SEMA3E: variants seen among roughly 807,000 people sequenced by gnomAD.
SEMA3E encodes the protein semaphorin-3E.
Under a neutral mutation model 93.6 loss-of-function variants are expected in SEMA3E, and 49 were observed. The observed-to-expected ratio is 0.52, with a 90% CI of 0.42 to 0.66. The LOEUF (loss-of-function observed/expected upper bound fraction) is 0.66, where lower values mean the gene tolerates loss of function less well. SEMA3E is among the 30% of genes least tolerant of loss of function. The pLI, the probability that SEMA3E is intolerant of heterozygous loss-of-function variation, is 0.00. For missense variants in SEMA3E, 906 were observed against 964.8 expected, an observed-to-expected ratio of 0.94 and a Z score of 0.81; for synonymous variants, 363 against 330.7, an observed-to-expected ratio of 1.10 and a Z score of -1.06.
intron 1 of SEMA3E, among the ~76,000 whole-genome samples, chr7:83,602,474 A>T (rs1276237299): frequency 7.4e-6 from 1 of 134,328 alleles, no homozygotes; most frequent in East Asian, 2.3e-4. Flanking sequence ...AATACCTGGC[A>T]TTTAGAAGCA....
Position 83,597,443 on chromosome 7 carries a change from G to T in SEMA3E, c.115+50985C>A, listed in dbSNP as rs116426646. On this transcript the variant is annotated intron_variant, in intron 1 of 16. Transcript: ENST00000643230. ...CTGTATCTGTGGACTTTCTAGTAAG[G>T]CTTCAATCAAATCAATGCTCTGTAT... Among the ~76,000 whole-genome samples, 270 of 152,152 alleles carry T rather than the reference G, an allele frequency of 1.8e-3. 1 individual carries two copies. The highest frequency in any genetic ancestry group is 6.3e-3 in the African/African-American group (260 of 41,526).
intron 1 of SEMA3E, among the ~76,000 whole-genome samples, chr7:83,637,737 T>C (rs1222385624): frequency 2.6e-5 from 4 of 151,966 alleles, no homozygotes; most frequent in East Asian, 3.9e-4. Context: ...CCTGTGGAAC[T>C]GTGAGTCAAT....
At chr7:83,591,082 TA>T (rs997952342) in intron 1 of SEMA3E, among the ~76,000 whole-genome samples, 1 of 127,296 alleles carries the variant, frequency 7.9e-6, no homozygotes, top group African/African-American at 3.0e-5. Context: ...CCATACATTA[TA>T]AACTTTATCT....
chr7:83,378,492 CTCTT>C (rs1420029544), intron 16 of SEMA3E, among the ~76,000 whole-genome samples: 1 of 151,840 alleles, frequency 6.6e-6, no homozygotes, highest in Non-Finnish European at 1.5e-5. Context: ...GTGGATCTCT[CTCTT>C]TGTCATTCGA....
At chr7:83,554,963 C>T (rs948027206) in intron 1 of SEMA3E, among the ~76,000 whole-genome samples, 1 of 120,664 alleles carries the variant, frequency 8.3e-6, no homozygotes, top group Non-Finnish European at 1.8e-5. Flanking sequence ...GGTGACAGAG[C>T]GAGACTCCGT....
intron 16 of SEMA3E, among the ~76,000 whole-genome samples, chr7:83,377,359 A>C (rs976649463): frequency 6.6e-6 from 1 of 151,962 alleles, no homozygotes; most frequent in Non-Finnish European, 1.5e-5. Context: ...TAAATCAGGG[A>C]TCAAAAACTT....
chr7:83,530,845 TC>T (rs2115724381), intron 1 of SEMA3E, among the ~76,000 whole-genome samples: 1 of 150,580 alleles, frequency 6.6e-6, no homozygotes, highest in South Asian at 2.1e-4. Context: ...GCCACTGTAC[TC>T]CAGCCTGGGC....
At chr7:83,563,154 C>T (rs1792067910) in intron 1 of SEMA3E, among the ~76,000 whole-genome samples, 1 of 152,120 alleles carries the variant, frequency 6.6e-6, no homozygotes, top group African/African-American at 2.4e-5. Context: ...ATTGAGTAAA[C>T]TATGCAATCA....
intron 1 of SEMA3E, chr7:83,616,741 T>G (rs1562856552): frequency 2.2e-6 from 1 of 452,004 alleles, no homozygotes; most frequent in East Asian, 7.0e-5. Flanking sequence ...TTTTTTTTTT[T>G]GAGACGAAGT....
intron 1 of SEMA3E, among the ~76,000 whole-genome samples, chr7:83,608,782 A>T (rs556253122): frequency 1.6e-3 from 248 of 152,180 alleles, no homozygotes; most frequent in African/African-American, 5.8e-3. Context: ...TTTTCTGGAA[A>T]ATTCATTAGA....
At chr7:83,474,234 C>T (rs1789964038) in intron 2 of SEMA3E, among the ~76,000 whole-genome samples, 1 of 151,788 alleles carries the variant, frequency 6.6e-6, no homozygotes, top group African/African-American at 2.4e-5. Context: ...CATTATGTAG[C>T]CAAATCCATT....
At chr7:83,589,668 T>C (rs1485888082) in intron 1 of SEMA3E, among the ~76,000 whole-genome samples, 1 of 152,198 alleles carries the variant, frequency 6.6e-6, no homozygotes, top group Non-Finnish European at 1.5e-5. Context: ...CAAAATATTA[T>C]TTCAATATGT....
intron 14 of SEMA3E, among the ~76,000 whole-genome samples, chr7:83,388,831 G>A (rs1327606705): frequency 2.9e-5 from 4 of 139,144 alleles, no homozygotes; most frequent in Non-Finnish European, 6.2e-5. Context: ...TTCATTCTAG[G>A]GTGTCCTTAC....
At chr7:83,571,882 G>A (rs910550033) in intron 1 of SEMA3E, among the ~76,000 whole-genome samples, 1 of 151,936 alleles carries the variant, frequency 6.6e-6, no homozygotes, top group African/African-American at 2.4e-5. Flanking sequence ...AAAGTTTCAG[G>A]GTACAAAATC....
intron 2 of SEMA3E, among the ~76,000 whole-genome samples, chr7:83,470,371 C>T (rs1433886436): frequency 1.3e-5 from 2 of 152,020 alleles, no homozygotes; most frequent in Admixed American, 6.6e-5. Context: ...TTTCTTTTCT[C>T]AGACTCCTTT....
intron 1 of SEMA3E, among the ~76,000 whole-genome samples, chr7:83,561,470 T>G (rs1792028478): frequency 6.6e-6 from 1 of 152,114 alleles, no homozygotes; most frequent in Non-Finnish European, 1.5e-5. Context: ...GTTTTTTGCC[T>G]GCCTCCTAAT....
chr7:83,444,871 A>G (rs936389082), intron 4 of SEMA3E, among the ~76,000 whole-genome samples: 2 of 152,106 alleles, frequency 1.3e-5, no homozygotes, highest in Non-Finnish European at 2.9e-5. Context: ...GGATTTTGCC[A>G]CGTTGGCCAG....
intron 4 of SEMA3E, among the ~76,000 whole-genome samples, chr7:83,429,936 C>T (rs754547176): frequency 2.0e-5 from 3 of 152,068 alleles, no homozygotes; most frequent in Non-Finnish European, 4.4e-5. Context: ...TAAGAAATCT[C>T]CAATCAAAAT....
intron 2 of SEMA3E, among the ~76,000 whole-genome samples, chr7:83,489,616 C>A (rs754713631): frequency 9.2e-5 from 14 of 151,760 alleles, no homozygotes; most frequent in Non-Finnish European, 1.6e-4. Flanking sequence ...TTCTCTTTTC[C>A]AAAAGATGTT....
Sources: allele counts gnomAD v4.1 joint callset (sites outside exome capture counted in the v4.1 genomes callset), GRCh38; gene constraint gnomAD v4.1.1; transcripts MANE v1.5; gene names NCBI Gene and HGNC (gene_info 2026-07-23, HGNC 2026-07-21).